The following RICTOR variants were observed in gnomAD, a reference collection of about 807,000 sequenced individuals.
The protein encoded by RICTOR is RPTOR independent companion of MTOR complex 2, also known as rapamycin-insensitive companion of mTOR.
RICTOR carries 49 observed loss-of-function variants against 214.9 expected under a neutral mutation model. The ratio of observed to expected loss-of-function variants is 0.23; its 90% CI spans 0.18 to 0.29. RICTOR has a LOEUF of 0.29. Ranked by LOEUF, RICTOR falls within the 10% of genes least tolerant of loss-of-function variation. The pLI, the probability that RICTOR is intolerant of heterozygous loss-of-function variation, is 1.00. For missense variants in RICTOR, 1,625 were observed against 2,047.0 expected, an observed-to-expected ratio of 0.79 and a Z score of 3.98; for synonymous variants, 717 against 711.3, an observed-to-expected ratio of 1.01 and a Z score of -0.13.
At chr5:39,061,956 A>G (rs1288079217) in intron 2 of RICTOR, among the ~76,000 whole-genome samples, 6 of 152,056 alleles carry the variant, frequency 3.9e-5, no homozygotes, top group Non-Finnish European at 7.4e-5. Context: ...GTTTTTATTA[A>G]AATAAGGTGG....
At chr5:39,070,274 G>A (rs1040574245) in intron 2 of RICTOR, among the ~76,000 whole-genome samples, 3 of 151,958 alleles carry the variant, frequency 2.0e-5, no homozygotes, top group African/African-American at 7.3e-5. Flanking sequence ...GACCATCCTG[G>A]CTAACAAGGT....
chr5:38,964,879 A>G lies in RICTOR; in HGVS notation c.1313T>C (p.Leu438Pro), dbSNP rs1438445312. ...GELLHMANTI[L>P]PHSHSHHLHC... The stretch of plus-strand genomic sequence containing the variant: ...TAAATGATGGCTATGTGAATGAGGA[A>G]GAATTGTGTTTGCCTAAAATGAAGC... Residue 438 changes from leucine to proline, a missense_variant, in exon 16 of 38, where the codon CTT becomes CCT. Physicochemically the swap from Leu to Pro is moderately conservative, Grantham distance 98. Around this residue, in one of 5 missense-constraint regions of RICTOR, gnomAD observed 1,214 missense variants for 1,470.5 expected, o/e 0.83. Coordinates refer to ENST00000357387, the MANE Select transcript of RICTOR (RefSeq NM_152756.5). The G allele has an allele frequency of 1.2e-6, 2 of 1,603,526 alleles. No individual in the cohort carries two copies. Among genetic ancestry groups the G allele is most frequent in the Non-Finnish European group, 1.7e-6 (2 of 1,172,546 alleles).
chr5:39,002,750 C>A, intron 4 of RICTOR, 84 bp from the exon 5 acceptor site: 3 of 1,336,700 alleles, frequency 2.2e-6, no homozygotes, highest in South Asian at 1.4e-5. Context: ...ATTCCTCAGC[C>A]AAAATATGCA....
chr5:38,952,047 AAT>A, intron 30 of RICTOR, 147 bp downstream of exon 30: 1 of 593,434 alleles, frequency 1.7e-6, no homozygotes, highest in South Asian at 2.2e-5. Flanking sequence ...TTGTTATGAA[AAT>A]ATACACATTC....
intron 11 of RICTOR, among the ~76,000 whole-genome samples, chr5:38,969,457 G>A (rs1021103700): frequency 6.6e-6 from 1 of 151,714 alleles, no homozygotes; most frequent in Non-Finnish European, 1.5e-5. Context: ...AACTAAAAAG[G>A]TTACAGTAAG....
intron 25 of RICTOR, among the ~76,000 whole-genome samples, chr5:38,957,352 A>C (rs1015708342): frequency 6.6e-6 from 1 of 152,210 alleles, no homozygotes; most frequent in Non-Finnish European, 1.5e-5. Context: ...CGAAGAATGA[A>C]AGAAATGATA....
intron 3 of RICTOR, among the ~76,000 whole-genome samples, chr5:39,005,855 T>A (rs1235435161): frequency 6.6e-6 from 1 of 152,228 alleles, no homozygotes; most frequent in Non-Finnish European, 1.5e-5. Context: ...CCCTGCCACC[T>A]GAAGTTTCAA....
chr5:38,939,534 T>G lies in RICTOR; in HGVS notation c.*2770A>C, dbSNP rs945601056. On this transcript the variant is annotated 3_prime_UTR_variant, in exon 38 of 38. Coordinates refer to ENST00000357387, the MANE Select transcript of RICTOR (RefSeq NM_152756.5). ...TTAGAGCATATTTAATTATGAATACTAAATTTCTAATTTCCTTATTTATCA... is the reference window on the plus strand; with the variant it reads ...TTAGAGCATATTTAATTATGAATACGAAATTTCTAATTTCCTTATTTATCA... The G allele has an allele frequency of 1.1e-4, 25 of 231,976 alleles. No individual in the cohort carries two copies. The highest frequency in any genetic ancestry group is 7.4e-4 in the East Asian group (12 of 16,294). 14.4% of individuals were successfully genotyped at this position (231,976 alleles called of 1,614,324 possible).
chr5:38,952,741 G>A (rs16867906), intron 29 of RICTOR, among the ~76,000 whole-genome samples: 3,496 of 151,972 alleles, frequency 0.023, 137 homozygotes, highest in African/African-American at 0.08. Context: ...TGGAGTATCT[G>A]TACAACACTA....
intron 2 of RICTOR, among the ~76,000 whole-genome samples, chr5:39,051,403 C>T (rs1457047822): frequency 6.6e-6 from 1 of 152,106 alleles, no homozygotes; most frequent in Non-Finnish European, 1.5e-5. Context: ...AAAAGTTAGA[C>T]TCAGAAAACT....
chr5:38,949,273 G>T (rs772316223), intron 31 of RICTOR: 13 of 857,220 alleles, frequency 1.5e-5, no homozygotes, highest in Admixed American at 5.7e-5. Flanking sequence ...TACTTAAAGT[G>T]AAAATAATTT....
intron 7 of RICTOR, among the ~76,000 whole-genome samples, chr5:38,990,340 C>T (rs1445889067): frequency 2.0e-5 from 3 of 150,310 alleles, no homozygotes; most frequent in African/African-American, 7.4e-5. Context: ...CGGGGCCTAT[C>T]AGGGGTCGGG....
rs1054621435 is a variant in RICTOR at position 39,010,893 on chromosome 5, T to C, written c.196-7271A>G. On this transcript the variant is annotated intron_variant, in intron 3 of 37. Coordinates refer to ENST00000357387, the MANE Select transcript of RICTOR (RefSeq NM_152756.5). ...TTATGTTTAAAAGTGAAGCAGAGCA[T>C]AAAAGTTTGGAAAATTTGCAGCCTG... Among the ~76,000 whole-genome samples, 54 of 152,134 alleles carry C rather than the reference T, an allele frequency of 3.5e-4. 1 individual carries two copies. Among genetic ancestry groups the C allele is most frequent in the Non-Finnish European group, 8.8e-5 (6 of 68,020 alleles).
intron 29 of RICTOR, among the ~76,000 whole-genome samples, 161 bp downstream of exon 29, chr5:38,952,824 G>A (rs957577215): frequency 4.6e-5 from 7 of 151,874 alleles, no homozygotes; most frequent in African/African-American, 1.7e-4. Flanking sequence ...CAAGGAGTTC[G>A]TTTAGATGTT....
Position 39,074,385 on chromosome 5 carries a change from G to C in RICTOR, c.-8C>G. The C allele has an allele frequency of 2.0e-6, 3 of 1,537,496 alleles. No homozygotes were observed. The highest frequency in any genetic ancestry group is 1.2e-5 in the South Asian group (1 of 82,368). ...GCGGCCGATCGCCGCCATATTGACGGGTTTCAGTCACAACACCGGAAACCT... is the reference window on the plus strand; with the variant it reads ...GCGGCCGATCGCCGCCATATTGACGCGTTTCAGTCACAACACCGGAAACCT... On this transcript the variant is annotated 5_prime_UTR_variant, in exon 1 of 38. Coordinates refer to ENST00000357387, the MANE Select transcript of RICTOR (RefSeq NM_152756.5).
At chr5:39,047,431 C>A (rs540970818) in intron 2 of RICTOR, among the ~76,000 whole-genome samples, 1 of 152,314 alleles carries the variant, frequency 6.6e-6, no homozygotes, top group African/African-American at 2.4e-5. Flanking sequence ...GTATGCTTGC[C>A]CGCTGCTCAC....
chr5:39,041,522 G>A (rs956495220), intron 2 of RICTOR, among the ~76,000 whole-genome samples: 1 of 152,110 alleles, frequency 6.6e-6, no homozygotes, highest in Non-Finnish European at 1.5e-5. Context: ...TGCAGAAGAG[G>A]AGAAAGGCAA....
intron 2 of RICTOR, among the ~76,000 whole-genome samples, chr5:39,065,436 C>G (rs540609949): frequency 6.6e-6 from 1 of 152,260 alleles, no homozygotes; most frequent in South Asian, 2.1e-4. Context: ...GACAAATATC[C>G]AAACTGTATC....
chr5:38,988,022 G>A (rs1561497142), intron 7 of RICTOR, among the ~76,000 whole-genome samples: 1 of 152,174 alleles, frequency 6.6e-6, no homozygotes, highest in African/African-American at 2.4e-5. Context: ...AGTTTTGAGT[G>A]AGTTTCTTAA....
Sources: gnomAD v4.1 joint callset for allele counts (sites outside exome capture counted in the v4.1 genomes callset) on GRCh38, gnomAD v4.1.1 for gene constraint, gnomAD v4.1.1 regional missense constraint, MANE v1.5 for transcripts, NCBI Gene and HGNC (gene_info 2026-07-23, HGNC 2026-07-21) for gene names.